The following TJP1 variants were observed in gnomAD, a reference collection of about 807,000 sequenced individuals.
TJP1 encodes tight junction protein 1.
Under a neutral mutation model 194.2 loss-of-function variants are expected in TJP1, and 43 were observed. The observed-to-expected ratio is 0.22, with a 90% confidence interval of 0.17 to 0.29. TJP1 has a LOEUF of 0.29. Among genes scored for constraint, TJP1 ranks in the 10% least tolerant of loss-of-function variants. The pLI is 1.00. For synonymous variants in TJP1, 801 were observed against 779.0 expected (o/e 1.03, Z -0.47); for missense variants, 1,971 against 2,185.7 (o/e 0.90, Z 1.96).
chr15:29,958,524 C>T (rs1417818956), intron 1 of TJP1, among the ~76,000 whole-genome samples: 1 of 152,150 alleles, frequency 6.6e-6, no homozygotes, highest in South Asian at 2.1e-4. Context: ...TTGTCCTCAA[C>T]CACCCTAAGA....
At chr15:29,856,467 G>A (rs2051854841) in intron 2 of TJP1, among the ~76,000 whole-genome samples, 1 of 152,148 alleles carries the variant, frequency 6.6e-6, no homozygotes, top group Non-Finnish European at 1.5e-5. Context: ...GGGAGTGACT[G>A]CTAATGGGTA....
rs1408224926 is a variant in TJP1 at position 29,710,858 on chromosome 15, T to C, written c.4345A>G (p.Ile1449Val). ...SQPVTSASLH[I>V]HSKGAHGEGN... ...TCACCATGTGCTCCCTTAGAATGTA[T>C]GTGGAGAGACGCGCTGGTGACAGGC... Residue 1449 changes from isoleucine (I) to valine (V), a missense_variant, in exon 24 of 28, where the codon ATA becomes GTA. Physicochemically the swap from Ile to Val is conservative, Grantham distance 29. Coordinates refer to ENST00000614355, the MANE Select transcript of TJP1 (RefSeq NM_001330239.4). 1.2e-6 allele frequency: 2 copies of C among 1,613,978 alleles called. No individual in the cohort carries two copies. The highest frequency in any genetic ancestry group is 1.3e-5 in the African/African-American group (1 of 74,926).
chr15:29,795,337 C>T (rs1174549842), intron 2 of TJP1, among the ~76,000 whole-genome samples: 1 of 151,118 alleles, frequency 6.6e-6, no homozygotes, highest in Non-Finnish European at 1.5e-5. Context: ...GCAGGAGAAT[C>T]GCTTCAACCG....
chr15:29,807,496 G>A (rs2049186563), intron 1 of TJP1, among the ~76,000 whole-genome samples: 1 of 152,156 alleles, frequency 6.6e-6, no homozygotes, highest in Admixed American at 6.5e-5. Context: ...CAGGTAGACA[G>A]GAGGAGGAAG....
At chr15:29,861,388 T>G (rs1288316966) in intron 2 of TJP1, among the ~76,000 whole-genome samples, 1 of 152,232 alleles carries the variant, frequency 6.6e-6, no homozygotes, top group Non-Finnish European at 1.5e-5. Flanking sequence ...TTGCACTTCC[T>G]GACGATTAAC....
chr15:29,937,705 G>A (rs567011741), intron 2 of TJP1, among the ~76,000 whole-genome samples: 1 of 152,186 alleles, frequency 6.6e-6, no homozygotes, highest in Non-Finnish European at 1.5e-5. Flanking sequence ...TTTGGAGAAT[G>A]AGTCAAGAAG....
chr15:29,730,658 C>A (rs2043578293), intron 15 of TJP1: 2 of 709,396 alleles, frequency 2.8e-6, no homozygotes, highest in Non-Finnish European at 5.2e-6. Flanking sequence ...CCGACCAAAG[C>A]CCGCGTGCCG....
intron 2 of TJP1, among the ~76,000 whole-genome samples, chr15:29,918,048 G>A (rs2054241336): frequency 1.3e-5 from 2 of 151,940 alleles, no homozygotes; most frequent in Admixed American, 6.6e-5. Flanking sequence ...TCTGTCTACT[G>A]TAGGTACCTC....
intron 2 of TJP1, among the ~76,000 whole-genome samples, chr15:29,953,930 A>G (rs1339798560): frequency 6.6e-6 from 1 of 152,216 alleles, no homozygotes; most frequent in Non-Finnish European, 1.5e-5. Context: ...GGGAACCATT[A>G]CACCAGAACA....
intron 27 of TJP1, among the ~76,000 whole-genome samples, chr15:29,702,975 C>T (rs1171030856): frequency 6.6e-6 from 1 of 152,136 alleles, no homozygotes; most frequent in East Asian, 1.9e-4. Context: ...ACTTAAGTCA[C>T]TCAAGGAAGT....
At chr15:29,942,221 A>G (rs1567216699) in intron 2 of TJP1, among the ~76,000 whole-genome samples, 5 of 152,226 alleles carry the variant, frequency 3.3e-5, no homozygotes. Context: ...GTCAGAGTCA[A>G]TAAGCTCCCG....
At chr15:29,863,731 G>A (rs147103140) in intron 2 of TJP1, among the ~76,000 whole-genome samples, 5 of 152,264 alleles carry the variant, frequency 3.3e-5, no homozygotes, top group African/African-American at 1.2e-4. Flanking sequence ...GCTGCTCTTT[G>A]GTGGTAGAGA....
chr15:29,764,672 C>A (rs1566978644), intron 5 of TJP1, among the ~76,000 whole-genome samples: 1 of 152,144 alleles, frequency 6.6e-6, no homozygotes, highest in African/African-American at 2.4e-5. Flanking sequence ...ACCATGTCAT[C>A]TGGGAATGGC....
Position 29,851,895 on chromosome 15 carries a change from G to A in TJP1, c.307-51193C>T, listed in dbSNP as rs540989110. ...AATTCAGTAGAAGGATAGCCTTTTG[G>A]ATAAATGGTGCTACAGCACCTGGAC... On this transcript the variant is annotated intron_variant, in intron 2 of 28. Transcript: ENST00000356107. Among the ~76,000 whole-genome samples, 612 of 152,234 alleles carry A rather than the reference G, an allele frequency of 4.0e-3. 5 individuals carry two copies. Among genetic ancestry groups the A allele is most frequent in the African/African-American group, 0.014 (577 of 41,554 alleles).
At chr15:29,888,318 G>A (rs190514755) in intron 2 of TJP1, among the ~76,000 whole-genome samples, 2 of 151,702 alleles carry the variant, frequency 1.3e-5, no homozygotes, top group Admixed American at 6.6e-5. Context: ...AAATATATTA[G>A]GTATAACAGA....
At chr15:29,778,381 G>A (rs903825884) in intron 2 of TJP1, among the ~76,000 whole-genome samples, 5 of 151,470 alleles carry the variant, frequency 3.3e-5, no homozygotes, top group South Asian at 4.2e-4. Context: ...AGCCAGGAAC[G>A]AGAGCTGCAG....
In TJP1 at chr15:29,708,678, C is replaced by T. The variant is rs577067966; in HGVS notation, c.4731G>A (p.Ser1577=). ...ACTCAGGAGGCTGTGCCAAACTGTG[C>T]GATTTCACAAGAGTTTTTGGAGAAG... is the stretch of plus-strand genomic sequence containing the variant. The part of the protein sequence containing the change: ...TPTSPKTLVK[S]HSLAQPPEFD... The change falls in exon 25 of 28, where the codon TCG becomes TCA. Residue 1577 remains serine (S), a synonymous_variant. Coordinates refer to ENST00000614355, the MANE Select transcript of TJP1 (RefSeq NM_001330239.4). 1.5e-5 allele frequency: 24 copies of T among 1,614,188 alleles called. No homozygotes were observed. In the Admixed American group the frequency reaches 2.2e-4, roughly 15 times the overall value.
chr15:29,820,676 T>C, intron 1 of TJP1: 1 of 632,256 alleles, frequency 1.6e-6, no homozygotes, highest in Non-Finnish European at 2.9e-6. Context: ...CCTTTCCTCC[T>C]AGGAAAGAAA....
intron 27 of TJP1, 100 bp downstream of exon 27, chr15:29,704,062 T>C (rs999801513): frequency 4.6e-6 from 6 of 1,294,614 alleles, no homozygotes; most frequent in African/African-American, 1.5e-5. Flanking sequence ...GGAACAGAGA[T>C]AGAGATTTGC....
Sources: allele counts gnomAD v4.1 joint callset (sites outside exome capture counted in the v4.1 genomes callset), GRCh38; gene constraint gnomAD v4.1.1; transcripts MANE v1.5; gene names NCBI Gene and HGNC (gene_info 2026-07-23, HGNC 2026-07-21).